D2HGDH: variants seen among roughly 807,000 people sequenced by gnomAD.
D2HGDH encodes the protein D-2-hydroxyglutarate dehydrogenase, mitochondrial.
In D2HGDH, 31 loss-of-function variants were observed where a neutral mutation model predicts 46.9. The observed-to-expected ratio is 0.66, with a 90% CI of 0.50 to 0.89. D2HGDH has a LOEUF of 0.89. Ranked by LOEUF, D2HGDH falls within the 40% of genes least tolerant of loss-of-function variation. The pLI is 0.00. For missense variants in D2HGDH, 698 were observed against 720.8 expected, an observed-to-expected ratio of 0.97 and a Z score of 0.36; for synonymous variants, 364 against 332.6, an observed-to-expected ratio of 1.09 and a Z score of -1.03.
intron 9 of D2HGDH, among the ~76,000 whole-genome samples, chr2:241,760,279 A>G (rs545087877): frequency 2.2e-5 from 1 of 46,040 alleles, no homozygotes; most frequent in South Asian, 9.0e-4. Context: ...GCCTTACCCA[A>G]TCAGTCGAAG....
chr2:241,738,111 C>T (rs1693436403), intron 2 of D2HGDH, among the ~76,000 whole-genome samples: 1 of 152,168 alleles, frequency 6.6e-6, no homozygotes, highest in Admixed American at 6.5e-5. Flanking sequence ...AATCGCTGGA[C>T]CAATGGTCAC....
rs1692453479 is a variant in D2HGDH, at chr2:241,735,298, G to A, written c.74G>A (p.Gly25Asp). 6.5e-7 allele frequency: 1 copy of A among 1,529,058 alleles called. No individual in the cohort carries two copies. The highest frequency in any genetic ancestry group is 8.7e-7 in the Non-Finnish European group (1 of 1,144,502). The allele number at this position is 1,529,058 out of a possible 1,614,324, so 94.7% of individuals were successfully genotyped here. Residue 25 changes from glycine to aspartate, a missense_variant, in exon 2 of 10, where the codon GGT (glycine) becomes GAT (aspartate). Physicochemically the swap from Gly to Asp is moderately conservative, Grantham distance 94. Transcript: ENST00000321264. ...RGAPGAAGSWGRPVGPLARRG... is the reference protein window; with the variant it reads ...RGAPGAAGSWDRPVGPLARRG... ...GCTCCGGGAGCCGCGGGTTCTTGGG[G>A]TCGGCCGGTTGGCCCCCTGGCCCGC...
chr2:241,742,551 T>A lies in D2HGDH; in HGVS notation c.467T>A (p.Val156Asp). The A allele has an allele frequency of 6.2e-7, 1 of 1,614,068 alleles. No individual in the cohort carries two copies. The highest frequency in any genetic ancestry group is 1.3e-5 in the African/African-American group (1 of 75,028). Residue 156 changes from valine to aspartate, a missense_variant, in exon 4 of 10, where the codon GTC becomes GAC. Val to Asp is a radical substitution (Grantham distance 152). Transcript: ENST00000321264. The surrounding 1 kb of genome is among the most constrained non-coding windows in gnomAD (Gnocchi z 4.8). The part of the protein sequence containing the change: ...IILSTARMNR[V>D]LSFHSVSGIL... ...CTCTCCACTGCCCGCATGAACCGGG[T>A]CCTCAGCTTCCACAGCGTGTCTGGT...
At chr2:241,739,523 C>G (rs1021559253) in intron 2 of D2HGDH, among the ~76,000 whole-genome samples, 1 of 152,270 alleles carries the variant, frequency 6.6e-6, no homozygotes. Context: ...GTGGACACCA[C>G]AGCCTGGTTC....
chr2:241,764,660 T>C (rs1699121059), intron 9 of D2HGDH, among the ~76,000 whole-genome samples: 1 of 152,224 alleles, frequency 6.6e-6, no homozygotes. Flanking sequence ...GGAGCTTTCC[T>C]TGGATCTGCC....
chr2:241,761,074 A>G (rs919101478), intron 9 of D2HGDH, among the ~76,000 whole-genome samples: 1 of 151,966 alleles, frequency 6.6e-6, no homozygotes, highest in Non-Finnish European at 1.5e-5. Context: ...GCTGTCGTTT[A>G]CCCCCCAGTT....
intron 2 of D2HGDH, among the ~76,000 whole-genome samples, chr2:241,739,687 G>T (rs1411680228): frequency 6.6e-6 from 1 of 152,264 alleles, no homozygotes; most frequent in Non-Finnish European, 1.5e-5. Flanking sequence ...CGGCGAACTA[G>T]CTCAGAGGGC....
chr2:241,737,521 G>C (rs1693251613), intron 2 of D2HGDH, among the ~76,000 whole-genome samples: 1 of 151,956 alleles, frequency 6.6e-6, no homozygotes, highest in Non-Finnish European at 1.5e-5. Flanking sequence ...ATGGAGTCTT[G>C]CCCTGTCACT....
intron 9 of D2HGDH, among the ~76,000 whole-genome samples, chr2:241,764,685 T>G (rs1425186654): frequency 6.6e-6 from 1 of 152,224 alleles, no homozygotes; most frequent in Non-Finnish European, 1.5e-5. Context: ...CTCAGTTGCC[T>G]TTGTGGGAAA....
At chr2:241,750,012 A>C in intron 6 of D2HGDH, 139 bp from the exon 7 acceptor site, 1 of 1,263,184 alleles carries the variant, frequency 7.9e-7, no homozygotes, top group Non-Finnish European at 1.1e-6. Flanking sequence ...TGTTTGTTGC[A>C]GTGCCAGTCC....
chr2:241,750,706 C>T (rs973312046), intron 7 of D2HGDH, among the ~76,000 whole-genome samples: 5 of 152,130 alleles, frequency 3.3e-5, no homozygotes, highest in Non-Finnish European at 5.9e-5. Flanking sequence ...GATGGAGTTT[C>T]GCACTGTGGC....
chr2:241,753,677 C>T (rs1219348782), intron 8 of D2HGDH, among the ~76,000 whole-genome samples: 1 of 152,258 alleles, frequency 6.6e-6, no homozygotes, highest in South Asian at 2.1e-4. Context: ...GGAAGCCACA[C>T]TGGTCGCACC....
chr2:241,768,287 C>G lies in D2HGDH; in HGVS notation c.*318C>G. ...TCTCACTTGCGTGGTGGCCCCTGGC[C>G]CCATCTTGCCTGCTGCGGCCTGGGG... On this transcript the variant is annotated 3_prime_UTR_variant, in exon 10 of 10. Transcript: ENST00000321264. The G allele has an allele frequency of 2.7e-6, 1 of 363,844 alleles. No individual in the cohort carries two copies. 22.5% of individuals were successfully genotyped at this position (363,844 alleles called of 1,614,324 possible).
Position 241,755,944 on chromosome 2 carries a change from C to T in D2HGDH, c.1236C>T (p.Tyr412=), listed in dbSNP as rs200594253. The T allele has an allele frequency of 9.9e-6, 16 of 1,611,258 alleles. No individual in the cohort carries two copies. Among genetic ancestry groups the T allele is most frequent in the South Asian group, 6.6e-5 (6 of 91,064 alleles). Residue 412 remains tyrosine, a synonymous_variant, in exon 9 of 10, where the codon TAC becomes TAT. Transcript: ENST00000321264. ...TCTCCCTCCCTGTGGAGCGGCTCTA[C>T]GACATCGTGACTGACCTGCGCGCCC... ...YDLSLPVERL[Y]DIVTDLRARL...
chr2:241,755,478 G>T (rs976962901), intron 8 of D2HGDH: 35 of 1,325,526 alleles, frequency 2.6e-5, no homozygotes, highest in East Asian at 5.0e-5. Context: ...GAAGCTGCAG[G>T]TGGGCGCCTC....
rs1182293974 is a variant in D2HGDH, at chr2:241,743,538, C to T, written c.491-84C>T. On this transcript the variant is annotated intron_variant, in intron 4 of 9. Coordinates refer to ENST00000321264, the MANE Select transcript of D2HGDH (RefSeq NM_152783.5). The surrounding 1 kb of genome is among the most constrained non-coding windows in gnomAD (Gnocchi z 4.8). ...GCTGATGTTCCTTCTGGGTGGCTTG[C>T]CTGTGCAAGATGGGGGTTGGGACTC... The T allele has an allele frequency of 8.0e-6, 12 of 1,495,808 alleles. No homozygotes were observed. The South Asian group carries it at 9.5e-5, about 12-fold the overall frequency. The allele number at this position is 1,495,808 out of a possible 1,614,324, so 92.7% of individuals were successfully genotyped here.
At chr2:241,762,578 T>C (rs1283880173) in intron 9 of D2HGDH, among the ~76,000 whole-genome samples, 1 of 152,178 alleles carries the variant, frequency 6.6e-6, no homozygotes, top group Non-Finnish European at 1.5e-5. Flanking sequence ...AAACACCGTT[T>C]CTCCCCTTCC....
At chr2:241,754,213 G>T (rs982962257) in intron 8 of D2HGDH, among the ~76,000 whole-genome samples, 1 of 152,204 alleles carries the variant, frequency 6.6e-6, no homozygotes, top group African/African-American at 2.4e-5. Flanking sequence ...ACAGGCAGCC[G>T]ATGCCCGCCA....
rs1401414618 is a variant in D2HGDH, at chr2:241,742,723, G to T, written c.490+149G>T. 1.9e-6 allele frequency: 2 copies of T among 1,041,092 alleles called. No homozygotes were observed. The highest frequency in any genetic ancestry group is 2.5e-5 in the East Asian group (1 of 39,410). The allele number at this position is 1,041,092 out of a possible 1,614,324, so 64.5% of individuals were successfully genotyped here. A position where few individuals can be genotyped will look rare whatever the true frequency, so the allele number is the denominator to read the frequency against. On this transcript the variant is annotated intron_variant, in intron 4 of 9. Coordinates refer to ENST00000321264, the MANE Select transcript of D2HGDH (RefSeq NM_152783.5). This position sits in a 1 kb window ranked among gnomAD's most constrained non-coding sequence, Gnocchi z 4.8. ...AAGAACCAGCGTCTGTAGCCTGGCC[G>T]CCTAGCCCCACCTCGCCCGGCCCCT...
Sources: allele counts gnomAD v4.1 joint callset (sites outside exome capture counted in the v4.1 genomes callset), GRCh38; gene constraint gnomAD v4.1.1; non-coding constraint Gnocchi (gnomAD v3.1); transcripts MANE v1.5; gene names NCBI Gene and HGNC (gene_info 2026-07-23, HGNC 2026-07-21).